ARHGEF10: variants seen among roughly 807,000 people sequenced by gnomAD.
The protein encoded by ARHGEF10 is Rho guanine nucleotide exchange factor 10.
A neutral mutation model predicts 147.4 loss-of-function variants in ARHGEF10; 140 were observed. The ratio of observed to expected loss-of-function variants is 0.95; its 90% confidence interval spans 0.83 to 1.09. The LOEUF (loss-of-function observed/expected upper bound fraction) is 1.09. Ranked by LOEUF, ARHGEF10 falls within the 50% of genes least tolerant of loss-of-function variation. The pLI, the probability that ARHGEF10 is intolerant of heterozygous loss-of-function variation, is 0.00. For synonymous variants in ARHGEF10, 902 were observed against 695.8 expected (o/e 1.30, Z -4.67); for missense variants, 2,222 against 1,752.7 (o/e 1.27, Z -4.78).
chr8:1,954,470 A>AC (rs1815318194), intron 28 of ARHGEF10, among the ~76,000 whole-genome samples: 1 of 113,730 alleles, frequency 8.8e-6, no homozygotes, highest in Admixed American at 1.0e-4. Context: ...ATATTCCAAC[A>AC]TTAAAAAAAA....
intron 27 of ARHGEF10, among the ~76,000 whole-genome samples, chr8:1,949,908 A>T (rs1398588491): frequency 2.0e-5 from 3 of 151,846 alleles, no homozygotes; most frequent in African/African-American, 7.3e-5. Flanking sequence ...TGGGGGACGT[A>T]TTGCTTCTTC....
intron 26 of ARHGEF10, among the ~76,000 whole-genome samples, chr8:1,934,472 G>A (rs1299823861): frequency 6.6e-6 from 1 of 152,108 alleles, no homozygotes; most frequent in African/African-American, 2.4e-5. Context: ...GTGTTCACTG[G>A]TTATCTGCTA....
At chr8:1,848,504 G>A (rs1804727450) in intron 2 of ARHGEF10, among the ~76,000 whole-genome samples, 1 of 152,176 alleles carries the variant, frequency 6.6e-6, no homozygotes, top group Non-Finnish European at 1.5e-5. Flanking sequence ...GCAGCGATGG[G>A]TGTGTCGTGG....
At chr8:1,859,610 G>A (rs1805922762) in intron 3 of ARHGEF10, among the ~76,000 whole-genome samples, 1 of 152,226 alleles carries the variant, frequency 6.6e-6, no homozygotes, top group South Asian at 2.1e-4. Context: ...GACTCTTGGT[G>A]AGGGGAGCAG....
At chr8:1,900,702 T>G (rs996860017) in intron 15 of ARHGEF10, among the ~76,000 whole-genome samples, 1 of 152,214 alleles carries the variant, frequency 6.6e-6, no homozygotes, top group South Asian at 2.1e-4. Flanking sequence ...AGGACATTCT[T>G]AAACTCAGAA....
intron 18 of ARHGEF10, among the ~76,000 whole-genome samples, chr8:1,915,550 C>G (rs1342859598): frequency 6.6e-6 from 1 of 152,238 alleles, no homozygotes; most frequent in Admixed American, 6.5e-5. Flanking sequence ...AAAGGGTCTT[C>G]CAGCATCACA....
chr8:1,870,734 G>T (rs1180133508), intron 7 of ARHGEF10: 1 of 152,110 alleles, frequency 6.6e-6, no homozygotes, highest in Non-Finnish European at 1.5e-5. Flanking sequence ...AATATAACAA[G>T]GCTTAATCAG....
rs1815685621 is a variant in ARHGEF10 at position 1,957,582 on chromosome 8, T to C, written c.*319T>C. ...CATATGTGAATACTAAATGTTAAACTTCATCAGCGTCAGACCTATTGTATC... is the reference window on the plus strand; with the variant it reads ...CATATGTGAATACTAAATGTTAAACCTCATCAGCGTCAGACCTATTGTATC... On this transcript the variant is annotated 3_prime_UTR_variant, in exon 29 of 29. Coordinates refer to ENST00000349830, the MANE Select transcript of ARHGEF10 (RefSeq NM_014629.4). 1 of 408,148 alleles carries C rather than the reference T, an allele frequency of 2.5e-6. No homozygotes were observed. The allele number at this position is 408,148 out of a possible 1,614,324, so 25.3% of individuals were successfully genotyped here. A position where few individuals can be genotyped will look rare whatever the true frequency, so the allele number is the denominator to read the frequency against.
intron 22 of ARHGEF10, 85 bp downstream of exon 22, chr8:1,925,489 C>T (rs1240020999): frequency 1.1e-5 from 17 of 1,571,604 alleles, no homozygotes; most frequent in East Asian, 2.3e-5. Context: ...TCTTAAGGGG[C>T]GTGGTCAGAA....
In ARHGEF10 at chr8:1,858,121, T is replaced by A. The variant is rs777671041; in HGVS notation, c.193+6T>A. On this transcript the variant is annotated splice_donor_region_variant and intron_variant, in intron 3 of 28. Transcript: ENST00000349830. Reference sequence around the variant, plus strand: ...TGAAGCCCCTGCACCCACAGGTGAGTTTCCAGGAGGGTCCCCAGGTGAGTC... The same window carrying A: ...TGAAGCCCCTGCACCCACAGGTGAGATTCCAGGAGGGTCCCCAGGTGAGTC... The A allele has an allele frequency of 3.1e-6, 5 of 1,612,224 alleles. No individual in the cohort carries two copies. In the South Asian group the frequency reaches 4.4e-5, roughly 14 times the overall value.
rs1357016764 is a variant in ARHGEF10, at chr8:1,917,033, T to C, written c.2144-5931T>C. On this transcript the variant is annotated intron_variant, in intron 18 of 28. Coordinates refer to ENST00000349830, the MANE Select transcript of ARHGEF10 (RefSeq NM_014629.4). ...AGTCATTTAAACTGACTACAGGACG[T>C]TCCTCATGATTGAAACTGAGTTTAT... is the stretch of plus-strand genomic sequence containing the variant. Among the ~76,000 whole-genome samples, 4 of 152,372 alleles carry C rather than the reference T, an allele frequency of 2.6e-5. No individual in the cohort carries two copies. In the East Asian group the frequency reaches 7.7e-4, roughly 29 times the overall value.
chr8:1,923,354 T>G, intron 19 of ARHGEF10, 114 bp from the exon 20 acceptor site: 2 of 1,482,130 alleles, frequency 1.3e-6, no homozygotes, highest in Non-Finnish European at 1.9e-6. Context: ...TTTCATAATC[T>G]AATAGTTTCA....
chr8:1,920,134 G>GGGTGATGGAGC (rs1812164261), intron 18 of ARHGEF10, among the ~76,000 whole-genome samples: 3 of 150,658 alleles, frequency 2.0e-5, no homozygotes, highest in African/African-American at 4.9e-5. Flanking sequence ...GCTGTTCTGT[G>GGGTGATGGAGC]TGCCCTGGAG....
At chr8:1,938,890 C>T (rs1045214085) in intron 26 of ARHGEF10, among the ~76,000 whole-genome samples, 1 of 151,884 alleles carries the variant, frequency 6.6e-6, no homozygotes, top group African/African-American at 2.4e-5. Flanking sequence ...CCCAGAAACC[C>T]CCAAACACTG....
intron 4 of ARHGEF10, among the ~76,000 whole-genome samples, chr8:1,863,464 T>A (rs1806320291): frequency 6.6e-6 from 1 of 152,192 alleles, no homozygotes; most frequent in Non-Finnish European, 1.5e-5. Flanking sequence ...ATAAATTCCC[T>A]TTAGAAAGTG....
At chr8:1,941,547 G>C (rs1814091980) in intron 26 of ARHGEF10, among the ~76,000 whole-genome samples, 2 of 151,312 alleles carry the variant, frequency 1.3e-5, no homozygotes. Context: ...TGGATCTGCA[G>C]ATTCAACATA....
rs564766624 is a variant in ARHGEF10 at position 1,882,756 on chromosome 8, G to T, written c.1075+7G>T. 12 of 1,540,748 alleles carry T rather than the reference G, an allele frequency of 7.8e-6. No individual in the cohort carries two copies. In the African/African-American group the frequency reaches 1.6e-4, roughly 20 times the overall value. ...AAGTCTCTCATCGCACAGGGTCCGT[G>T]CCTGCAGGTCTTCTTGCGGGGAGGA... On this transcript the variant is annotated splice_region_variant and intron_variant, in intron 10 of 28. Transcript: ENST00000349830.
chr8:1,919,627 A>G (rs992970210), intron 18 of ARHGEF10, among the ~76,000 whole-genome samples: 4 of 134,836 alleles, frequency 3.0e-5, no homozygotes, highest in Admixed American at 3.0e-4. Context: ...GTCAAGTGAC[A>G]GAGCTGTTCT....
At position 1,909,423 on chromosome 8, in the gene ARHGEF10, C is replaced by G. The variant is rs1278519614; in HGVS notation, c.2096C>G (p.Ala699Gly). 1.2e-6 allele frequency: 2 copies of G among 1,614,106 alleles called. No homozygotes were observed. The highest frequency in any genetic ancestry group is 4.5e-5 in the East Asian group (2 of 44,884). Residue 699 changes from alanine (A) to glycine (G), a missense_variant, in exon 18 of 29, where the codon GCC becomes GGC. Transcript: ENST00000349830. ...ACGGGCGAGCACAGCAGGCACCTTG[C>G]CGTTCACCCGCCGGAGAGCCTGGCC... is the stretch of plus-strand genomic sequence containing the variant. ...AGTGEHSRHLAVHPPESLAVV... is the reference protein window; with the variant it reads ...AGTGEHSRHLGVHPPESLAVV...
Sources: gnomAD v4.1 joint callset for allele counts (sites outside exome capture counted in the v4.1 genomes callset) on GRCh38, gnomAD v4.1.1 for gene constraint, MANE v1.5 for transcripts, NCBI Gene and HGNC (gene_info 2026-07-23, HGNC 2026-07-21) for gene names.